The following DMBT1 variants were observed in gnomAD, a reference collection of about 807,000 sequenced individuals.
The protein encoded by DMBT1 is scavenger receptor cysteine-rich domain-containing protein DMBT1.
Under a neutral mutation model 252.9 loss-of-function variants are expected in DMBT1, and 198 were observed. That is an observed-to-expected ratio of 0.78 (90% confidence interval 0.70 to 0.88). DMBT1 has a LOEUF of 0.88. Ranked by LOEUF, DMBT1 falls within the 40% of genes least tolerant of loss-of-function variation. The pLI is 0.00. For missense variants in DMBT1, 2,432 were observed against 2,404.7 expected, an observed-to-expected ratio of 1.01 and a Z score of -0.24; for synonymous variants, 990 against 942.7, an observed-to-expected ratio of 1.05 and a Z score of -0.92.
intron 1 of DMBT1, among the ~76,000 whole-genome samples, chr10:122,561,328 C>T (rs528161017): frequency 2.0e-5 from 3 of 152,296 alleles, no homozygotes; most frequent in African/African-American, 7.2e-5. Context: ...CAGACAAGAT[C>T]ATTAAGATTC....
chr10:122,598,839 G>A lies in DMBT1; in HGVS notation c.3022G>A (p.Val1008Ile). 1 of 1,613,692 alleles carries A rather than the reference G, an allele frequency of 6.2e-7. No homozygotes were observed. Among genetic ancestry groups the A allele is most frequent in the Non-Finnish European group, 8.5e-7 (1 of 1,179,756 alleles). The change falls in exon 26 of 56, where the codon GTC becomes ATC. Residue 1008 changes from valine to isoleucine, a missense_variant. Around this residue, in one of 3 missense-constraint regions of DMBT1, gnomAD observed 1,264 missense variants for 1,082.2 expected, o/e 1.17. Transcript: ENST00000338354. ...TGACAGGTGTCAGGGCCGAGTGGAG[G>A]TCCTATACCAAGGCTCCTGGGGCAC... is the stretch of plus-strand genomic sequence containing the variant. ...GGDRCQGRVEVLYQGSWGTVC... is the reference protein window; with the variant it reads ...GGDRCQGRVEILYQGSWGTVC...
At position 122,629,840 on chromosome 10, in the gene DMBT1, G is replaced by T. The variant is rs976559906; in HGVS notation, c.5669G>T (p.Arg1890Ile). 2 of 1,613,876 alleles carry T rather than the reference G, an allele frequency of 1.2e-6. No individual in the cohort carries two copies. The highest frequency in any genetic ancestry group is 4.5e-5 in the East Asian group (2 of 44,886). ...WWHPTTTTTA[R>I]PSSNCGGFLF... The stretch of plus-strand genomic sequence containing the variant: ...GAGATGTCCCCTCTCTCCTCTCTAG[G>T]ACCCTCTTCAAATTGTGGTGGCTTC... Residue 1890 changes from arginine (R) to isoleucine (I), a missense_variant and splice_region_variant, in exon 47 of 56, where the codon AGA (arginine) becomes ATA (isoleucine). By Grantham distance (97) the Arg-to-Ile change is moderately conservative. Coordinates refer to ENST00000338354, the MANE Select transcript of DMBT1 (RefSeq NM_001377530.1).
intron 1 of DMBT1, 129 bp from the exon 2 acceptor site, chr10:122,565,838 C>T (rs985642768): frequency 1.2e-6 from 1 of 829,580 alleles, no homozygotes; most frequent in South Asian, 1.5e-5. Context: ...ACGTCGGGGA[C>T]ACACAAACCC....
intron 42 of DMBT1, 116 bp from the exon 43 acceptor site, chr10:122,620,137 T>C: frequency 9.1e-7 from 1 of 1,094,060 alleles, no homozygotes; most frequent in African/African-American, 1.5e-5. Flanking sequence ...TTGGAGCAAG[T>C]GGCAGGAACC....
chr10:122,574,710 C>T (rs1565597000), intron 6 of DMBT1, among the ~76,000 whole-genome samples: 2 of 152,134 alleles, frequency 1.3e-5, no homozygotes, highest in Non-Finnish European at 2.9e-5. Context: ...GAGTGGTTTC[C>T]CCTGAGGTCC....
In DMBT1 at chr10:122,618,309, C is replaced by T; in HGVS notation, c.5184C>T (p.Gly1728=). 1 of 1,613,820 alleles carries T rather than the reference C, an allele frequency of 6.2e-7. No individual in the cohort carries two copies. The highest frequency in any genetic ancestry group is 8.5e-7 in the Non-Finnish European group (1 of 1,179,780). Residue 1728 remains glycine, a synonymous_variant, in exon 41 of 56, where the codon GGC becomes GGT. Coordinates refer to ENST00000338354, the MANE Select transcript of DMBT1 (RefSeq NM_001377530.1). ...ATGGCTGGCTCTCCCACAACTGTGGCCATCATGAAGATGCTGGTGTCATCT... is the reference window on the plus strand; with the variant it reads ...ATGGCTGGCTCTCCCACAACTGTGGTCATCATGAAGATGCTGGTGTCATCT... ...PHNGWLSHNC[G]HHEDAGVICS...
chr10:122,626,458 A>G (rs2098119584), intron 46 of DMBT1, among the ~76,000 whole-genome samples: 2 of 152,182 alleles, frequency 1.3e-5, no homozygotes, highest in African/African-American at 4.8e-5. Flanking sequence ...ACTGTAAATG[A>G]TTTTGTGATG....
At chr10:122,586,538 C>A (rs957075616) in intron 16 of DMBT1, among the ~76,000 whole-genome samples, 155 bp downstream of exon 16, 1 of 148,500 alleles carries the variant, frequency 6.7e-6, no homozygotes, top group African/African-American at 2.4e-5. Flanking sequence ...TGAGTCTTCA[C>A]CACATTGCCA....
intron 52 of DMBT1, among the ~76,000 whole-genome samples, chr10:122,634,600 G>A (rs1254253134): frequency 1.3e-5 from 2 of 151,518 alleles, no homozygotes; most frequent in Admixed American, 1.3e-4. Flanking sequence ...GGGTTCAAGC[G>A]ATTCTCCTGC....
chr10:122,578,644 C>A, intron 8 of DMBT1, 74 bp from the exon 9 acceptor site: 1 of 1,327,710 alleles, frequency 7.5e-7, no homozygotes, highest in South Asian at 1.3e-5. Flanking sequence ...CTTGCCTGGT[C>A]CAGAGAACCG....
chr10:122,561,897 TTC>T (rs563321738), intron 1 of DMBT1, among the ~76,000 whole-genome samples: 122 of 68,850 alleles, frequency 1.8e-3, no homozygotes, highest in South Asian at 6.5e-3. Context: ...ATTATCACCT[TTC>T]TCTCTGTCTC....
In DMBT1 at chr10:122,573,775, A is replaced by G. The variant is rs2097687304; in HGVS notation, c.283+13A>G. The G allele has an allele frequency of 8.1e-6, 13 of 1,612,790 alleles. No homozygotes were observed. Among genetic ancestry groups the G allele is most frequent in the Admixed American group, 3.3e-5 (2 of 59,998 alleles). Reference sequence around the variant, plus strand: ...ACTGTAGCAGAAGGTAACGTCTACTATGGGGGATCCCTGTAGGCTCATTAC... The same window carrying G: ...ACTGTAGCAGAAGGTAACGTCTACTGTGGGGGATCCCTGTAGGCTCATTAC... On this transcript the variant is annotated intron_variant, in intron 6 of 55. Coordinates refer to ENST00000338354, the MANE Select transcript of DMBT1 (RefSeq NM_001377530.1).
At chr10:122,641,794 T>G (rs766371578) in intron 55 of DMBT1, among the ~76,000 whole-genome samples, 17 of 152,126 alleles carry the variant, frequency 1.1e-4, no homozygotes, top group Non-Finnish European at 2.2e-4. Flanking sequence ...GGGGTAGATG[T>G]ACCCTGGCTA....
chr10:122,590,831 C>A, intron 18 of DMBT1, 137 bp downstream of exon 18: 1 of 1,121,170 alleles, frequency 8.9e-7, no homozygotes, highest in Non-Finnish European at 1.3e-6. Flanking sequence ...GTAACTGAGA[C>A]CCTAGCATGG....
At chr10:122,599,732 A>G (rs962245064) in intron 26 of DMBT1, among the ~76,000 whole-genome samples, 17 of 152,160 alleles carry the variant, frequency 1.1e-4, no homozygotes, top group African/African-American at 3.4e-4. Flanking sequence ...GGGCTTGAGG[A>G]CGGCACAAGG....
chr10:122,576,410 G>T lies in DMBT1; in HGVS notation c.295G>T (p.Gly99Cys), dbSNP rs754405043. Residue 99 changes from glycine (G) to cysteine (C), a missense_variant, in exon 7 of 56, where the codon GGT becomes TGT. Transcript: ENST00000338354. Reference sequence around the variant, plus strand: ...GTGCCTTCCTCTAGGATCTGATTCTGGTTTGGCCCTGAGGCTGGTGAATGG... The same window carrying T: ...GTGCCTTCCTCTAGGATCTGATTCTTGTTTGGCCCTGAGGCTGGTGAATGG... ...ESTVAEGSDS[G>C]LALRLVNGDG... is the part of the protein sequence containing the mutation. The T allele has an allele frequency of 5.0e-6, 8 of 1,613,800 alleles. No individual in the cohort carries two copies. Among genetic ancestry groups the T allele is most frequent in the South Asian group, 1.1e-5 (1 of 91,060 alleles).
rs768243109 is a variant in DMBT1, at chr10:122,570,921, G to A, written c.171G>A (p.Glu57=). Residue 57 remains glutamate (E), a synonymous_variant, in exon 4 of 56, where the codon GAG becomes GAA. Transcript: ENST00000338354. ...GSPFPSESTL[E]STVAEGSPIS... ...CATTTCCCTCGGAGTCGACCCTGGA[G>A]TCAACTGTAGCAGAAGGTAACGTCT... The A allele has an allele frequency of 1.2e-6, 2 of 1,613,088 alleles. No homozygotes were observed. Among genetic ancestry groups the A allele is most frequent in the Middle Eastern group, 1.7e-4 (1 of 6,060 alleles).
At chr10:122,620,052 A>G (rs2098047562) in intron 42 of DMBT1, among the ~76,000 whole-genome samples, 1 of 152,244 alleles carries the variant, frequency 6.6e-6, no homozygotes, top group African/African-American at 2.4e-5. Context: ...CTTCAGAGGT[A>G]GGAGGGATCG....
rs1202388785 is a variant in DMBT1 at position 122,643,448 on chromosome 10, G to A, written c.*50G>A. The A allele has an allele frequency of 1.3e-6, 2 of 1,555,998 alleles. No individual in the cohort carries two copies. The highest frequency in any genetic ancestry group is 2.4e-5 in the East Asian group (1 of 41,908). On this transcript the variant is annotated 3_prime_UTR_variant, in exon 56 of 56. Coordinates refer to ENST00000338354, the MANE Select transcript of DMBT1 (RefSeq NM_001377530.1). Reference sequence around the variant, plus strand: ...CCACCGGGGCGCAGACCCCTGACTCGGGGACTTGGGATGTTCCTCTTGGTG... The same window carrying A: ...CCACCGGGGCGCAGACCCCTGACTCAGGGACTTGGGATGTTCCTCTTGGTG...
Sources: allele counts gnomAD v4.1 joint callset (sites outside exome capture counted in the v4.1 genomes callset), GRCh38; gene constraint gnomAD v4.1.1; regional missense constraint gnomAD v4.1.1; transcripts MANE v1.5; gene names NCBI Gene and HGNC (gene_info 2026-07-23, HGNC 2026-07-21).